Variants in CFAP77 observed in about 807,000 individuals in gnomAD.
The protein encoded by CFAP77 is cilia and flagella associated protein 77.
CFAP77 carries 25 observed loss-of-function variants against 31.1 expected under a neutral mutation model. That is an observed-to-expected ratio of 0.80 (90% CI 0.59 to 1.12). The LOEUF is 1.12. Ranked by LOEUF, CFAP77 falls within the 50% of genes most tolerant of loss-of-function variation. CFAP77 has a pLI of 0.00. For synonymous variants in CFAP77, 151 were observed against 159.9 expected (o/e 0.94, Z 0.42); for missense variants, 377 against 397.3 (o/e 0.95, Z 0.44).
chr9:132,551,941 G>A (rs1373510626), intron 5 of CFAP77, among the ~76,000 whole-genome samples: 1 of 152,226 alleles, frequency 6.6e-6, no homozygotes, highest in African/African-American at 2.4e-5. Context: ...GCCTGCTCCG[G>A]CTGATTTAAG....
intron 1 of CFAP77, among the ~76,000 whole-genome samples, chr9:132,464,562 C>T (rs1382423187): frequency 6.6e-6 from 1 of 152,174 alleles, no homozygotes; most frequent in Non-Finnish European, 1.5e-5. Context: ...TATTATTTAA[C>T]CCACTATGTC....
In CFAP77 at chr9:132,545,075, G is replaced by C. The variant is rs1852711419; in HGVS notation, c.732+2028G>C. Among the ~76,000 whole-genome samples, 1 of 152,186 alleles carries C rather than the reference G, an allele frequency of 6.6e-6. No homozygotes were observed. On this transcript the variant is annotated intron_variant, in intron 5 of 5. Coordinates refer to ENST00000393216, the MANE Select transcript of CFAP77 (RefSeq NM_001282957.2). The surrounding 1 kb of genome is among the most constrained non-coding windows in gnomAD (Gnocchi z 4.6). ...GCTCCGGTCTGTCTCACTCACCTGT[G>C]TCCCACGGCGCCTGGCCCCAAGTAG... is the stretch of plus-strand genomic sequence containing the variant.
At chr9:132,414,738 C>T (rs1406823167) in intron 1 of CFAP77, among the ~76,000 whole-genome samples, 1 of 152,132 alleles carries the variant, frequency 6.6e-6, no homozygotes, top group Non-Finnish European at 1.5e-5. Context: ...CTCCTCGGCT[C>T]CTAAATGCTT....
At chr9:132,561,365 TC>T (rs138399407) in intron 5 of CFAP77, among the ~76,000 whole-genome samples, 7 of 151,058 alleles carry the variant, frequency 4.6e-5, no homozygotes, top group African/African-American at 7.3e-5. Flanking sequence ...AAATCTGTTT[TC>T]CCCCCCCAAA....
rs999773300 is a variant in CFAP77 at position 132,552,982 on chromosome 9, C to T, written c.732+9935C>T. On this transcript the variant is annotated intron_variant, in intron 5 of 5. Transcript: ENST00000393216. The surrounding 1 kb of genome is among the most constrained non-coding windows in gnomAD (Gnocchi z 5.5). ...AAGGCTTATGAACTTCTGTCTTAGT[C>T]AGGCTGCTCTAACAAAATCCCATAG... Among the ~76,000 whole-genome samples, 15 of 152,208 alleles carry T rather than the reference C, an allele frequency of 9.9e-5. No homozygotes were observed. Among genetic ancestry groups the T allele is most frequent in the Non-Finnish European group, 2.2e-4 (15 of 68,040 alleles).
At position 132,539,650 on chromosome 9, in the gene CFAP77, G is replaced by A. The variant is rs989068691; in HGVS notation, c.630+1944G>A. Reference sequence around the variant, plus strand: ...GGTACCCTCAGGAGGGGCCAGGAGGGGTGCACGAAGTGGGAGGCTGAGGAT... The same window carrying A: ...GGTACCCTCAGGAGGGGCCAGGAGGAGTGCACGAAGTGGGAGGCTGAGGAT... On this transcript the variant is annotated intron_variant, in intron 4 of 5. Coordinates refer to ENST00000393216, the MANE Select transcript of CFAP77 (RefSeq NM_001282957.2). This position sits in a 1 kb window ranked among gnomAD's most constrained non-coding sequence, Gnocchi z 4.3. 9.2e-5 allele frequency among the ~76,000 whole-genome samples: 14 copies of A among 152,168 alleles called. No individual in the cohort carries two copies. The highest frequency in any genetic ancestry group is 1.8e-4 in the Non-Finnish European group (12 of 68,036).
intron 5 of CFAP77, among the ~76,000 whole-genome samples, chr9:132,551,077 C>A (rs376257844): frequency 6.6e-6 from 1 of 151,876 alleles, no homozygotes; most frequent in Non-Finnish European, 1.5e-5. Flanking sequence ...TCTTCCCCTC[C>A]TCTCCTCAAA....
intron 5 of CFAP77, among the ~76,000 whole-genome samples, chr9:132,548,087 G>A (rs575980256): frequency 6.6e-6 from 1 of 152,310 alleles, no homozygotes; most frequent in South Asian, 2.1e-4. Flanking sequence ...TACACGTTAG[G>A]AGACCTTGAA....
At chr9:132,535,681 C>T (rs895035232) in intron 3 of CFAP77, among the ~76,000 whole-genome samples, 70 of 151,972 alleles carry the variant, frequency 4.6e-4, no homozygotes, top group African/African-American at 1.6e-3. Context: ...CACTGCACTC[C>T]AGACTGGGTG....
chr9:132,497,959 T>C lies in CFAP77; in HGVS notation c.196-736T>C, dbSNP rs1010209901. On this transcript the variant is annotated intron_variant, in intron 1 of 5. Transcript: ENST00000393216. This position sits in a 1 kb window ranked among gnomAD's most constrained non-coding sequence, Gnocchi z 4.9. ...ACAGGCACGCCTCCATGCGATGCCCTGCCCAGCGCTTGGGGGCCGGGGATA... is the reference window on the plus strand; with the variant it reads ...ACAGGCACGCCTCCATGCGATGCCCCGCCCAGCGCTTGGGGGCCGGGGATA... Among the ~76,000 whole-genome samples the C allele has an allele frequency of 6.6e-6, 1 of 152,104 alleles. No homozygotes were observed. The highest frequency in any genetic ancestry group is 2.4e-5 in the African/African-American group (1 of 41,424).
chr9:132,516,921 G>T (rs1852157859), intron 3 of CFAP77, among the ~76,000 whole-genome samples: 1 of 152,194 alleles, frequency 6.6e-6, no homozygotes, highest in Admixed American at 6.5e-5. Context: ...TCAGTAAACA[G>T]CCATGGAAGT....
chr9:132,487,573 C>T (rs471186), intron 1 of CFAP77, among the ~76,000 whole-genome samples: 35,726 of 151,128 alleles, frequency 0.24, 5,775 homozygotes, highest in African/African-American at 0.47. Flanking sequence ...CTTCCAGTAT[C>T]TTTTTCAATG....
At chr9:132,543,106 C>A in intron 5 of CFAP77, 59 bp downstream of exon 5, 1 of 1,416,968 alleles carries the variant, frequency 7.1e-7, no homozygotes, top group Non-Finnish European at 1.0e-6. Context: ...GCTCACCTTG[C>A]CAGGTCCTTA....
At chr9:132,525,909 G>A (rs371231447) in intron 3 of CFAP77, among the ~76,000 whole-genome samples, 9 of 152,092 alleles carry the variant, frequency 5.9e-5, no homozygotes, top group East Asian at 1.9e-4. Context: ...ATTCTTTTTC[G>A]TTGCTGAGTG....
Position 132,565,748 on chromosome 9 carries a change from C to A in CFAP77, c.733-6640C>A, listed in dbSNP as rs773399899. Among the ~76,000 whole-genome samples, 257 of 152,316 alleles carry A rather than the reference C, an allele frequency of 1.7e-3. No homozygotes were observed. The highest frequency in any genetic ancestry group is 3.3e-3 in the Non-Finnish European group (227 of 68,016). On this transcript the variant is annotated intron_variant, in intron 5 of 5. Coordinates refer to ENST00000393216, the MANE Select transcript of CFAP77 (RefSeq NM_001282957.2). The surrounding 1 kb of genome is among the most constrained non-coding windows in gnomAD (Gnocchi z 4.1). ...GTCCATGTGGGCTCTGCCTTCCTGG[C>A]AGGTGTGTTTCCAGGGCACTGCATG...
intron 3 of CFAP77, among the ~76,000 whole-genome samples, chr9:132,502,416 G>A (rs1257809691): frequency 6.6e-6 from 1 of 151,964 alleles, no homozygotes; most frequent in Non-Finnish European, 1.5e-5. Context: ...ACGTCGTTGT[G>A]TGACCGTCAC....
intron 3 of CFAP77, chr9:132,513,425 A>G (rs1157421923): frequency 6.8e-7 from 1 of 1,464,078 alleles, no homozygotes; most frequent in African/African-American, 1.4e-5. Context: ...CCCTGTGCAC[A>G]CCTTCCTAGC....
intron 5 of CFAP77, among the ~76,000 whole-genome samples, chr9:132,562,024 T>G (rs763602086): frequency 2.6e-5 from 4 of 152,198 alleles, no homozygotes; most frequent in Non-Finnish European, 4.4e-5. Flanking sequence ...TACGCCCCCA[T>G]GAAGCTGGAT....
At chr9:132,562,535 C>T (rs372298262) in intron 5 of CFAP77, among the ~76,000 whole-genome samples, 5 of 151,914 alleles carry the variant, frequency 3.3e-5, no homozygotes, top group South Asian at 4.2e-4. Flanking sequence ...TTTCATGCAA[C>T]GTTGGGTTTT....
Sources: allele counts gnomAD v4.1 joint callset (sites outside exome capture counted in the v4.1 genomes callset), GRCh38; gene constraint gnomAD v4.1.1; non-coding constraint Gnocchi (gnomAD v3.1); transcripts MANE v1.5; gene names NCBI Gene and HGNC (gene_info 2026-07-23, HGNC 2026-07-21).